Variants in COPB2 observed in about 807,000 individuals in gnomAD.
COPB2 encodes coat protein complex I subunit beta 2, also known as coatomer subunit beta'.
Under a neutral mutation model 120.8 loss-of-function variants are expected in COPB2, and 16 were observed. The observed-to-expected ratio is 0.13, with a 90% CI of 0.09 to 0.20. COPB2 has a LOEUF of 0.20. COPB2 is among the 10% of genes least tolerant of loss of function. The pLI is 1.00. For missense variants in COPB2, 794 were observed against 1,076.5 expected, an observed-to-expected ratio of 0.74 and a Z score of 3.67; for synonymous variants, 332 against 366.3, an observed-to-expected ratio of 0.91 and a Z score of 1.07.
chr3:139,385,135 T>G (rs531895917), intron 1 of COPB2: 1 of 152,732 alleles, frequency 6.5e-6, no homozygotes, highest in South Asian at 2.1e-4. Context: ...CTTCCCGGGT[T>G]CAAGCGATTC....
chr3:139,359,894 TA>T (rs1941378112), intron 17 of COPB2, among the ~76,000 whole-genome samples: 3 of 152,146 alleles, frequency 2.0e-5, no homozygotes, highest in Non-Finnish European at 2.9e-5. Flanking sequence ...GTATACTATG[TA>T]TTACCTTACA....
intron 12 of COPB2, 55 bp downstream of exon 12, chr3:139,369,206 C>G: frequency 7.0e-7 from 1 of 1,438,716 alleles, no homozygotes; most frequent in South Asian, 1.2e-5. Context: ...CTTAGGGACC[C>G]AGAACTCATC....
At chr3:139,381,831 G>A (rs1432054995) in intron 2 of COPB2, 1 of 151,758 alleles carries the variant, frequency 6.6e-6, no homozygotes, top group Non-Finnish European at 1.5e-5. Flanking sequence ...AATAATCAGA[G>A]AGAGAGGACA....
At chr3:139,383,524 A>G (rs1941852945) in intron 1 of COPB2, 89 bp from the exon 2 acceptor site, 3 of 1,185,478 alleles carry the variant, frequency 2.5e-6, no homozygotes, top group Middle Eastern at 2.1e-4. Flanking sequence ...ATAGGCCTAC[A>G]AAACAATTCA....
At chr3:139,381,055 T>C (rs958850098) in intron 2 of COPB2, 5 of 152,246 alleles carry the variant, frequency 3.3e-5, no homozygotes, top group African/African-American at 9.6e-5. Context: ...TAATGACTAA[T>C]ACTTATATGG....
chr3:139,376,744 A>AT (rs1941718833), intron 5 of COPB2, among the ~76,000 whole-genome samples: 1 of 152,158 alleles, frequency 6.6e-6, no homozygotes, highest in African/African-American at 2.4e-5. Flanking sequence ...ATTTTAATTA[A>AT]TTAATTAATT....
In COPB2 at chr3:139,359,294, G is replaced by A; in HGVS notation, c.2279C>T (p.Thr760Ile). 6.2e-7 allele frequency: 1 copy of A among 1,614,168 alleles called. No individual in the cohort carries two copies. Among genetic ancestry groups the A allele is most frequent in the Non-Finnish European group, 8.5e-7 (1 of 1,180,022 alleles). ...CCTTGAAACCTGACTGGGTAAGTAA[G>A]TTCGGGCCAAGAAGGCAGCTTCTGG... The part of the protein sequence containing the change: ...RLPEAAFLAR[T>I]YLPSQVSRVV... The change falls in exon 18 of 22, where the codon ACT (threonine) becomes ATT (isoleucine). Residue 760 changes from threonine (T) to isoleucine (I), a missense_variant. Physicochemically the swap from Thr to Ile is moderately conservative, Grantham distance 89. Transcript: ENST00000333188.
rs1473853488 is a variant in COPB2 at position 139,373,276 on chromosome 3, G to A, written c.1031C>T (p.Ala344Val). 1 of 1,613,978 alleles carries A rather than the reference G, an allele frequency of 6.2e-7. No individual in the cohort carries two copies. Among genetic ancestry groups the A allele is most frequent in the African/African-American group, 1.3e-5 (1 of 74,892 alleles). ...TTCACAACTGCCCATATCCTTTACT[G>A]CCAGTGGCAATCTTTCACCATCTTT... Reference protein sequence around the residue: ...EIKDGERLPLAVKDMGSCEIY... With the variant: ...EIKDGERLPLVVKDMGSCEIY... Residue 344 changes from alanine (A) to valine (V), a missense_variant, in exon 9 of 22, where the codon GCA (alanine) becomes GTA (valine). Ala to Val is a moderately conservative substitution (Grantham distance 64). This residue lies in a region of COPB2 where 610 missense variants were observed against 866.7 expected (regional missense o/e 0.70). Coordinates refer to ENST00000333188, the MANE Select transcript of COPB2 (RefSeq NM_004766.3).
At chr3:139,380,865 A>G (rs1941797943) in intron 2 of COPB2, 1 of 152,246 alleles carries the variant, frequency 6.6e-6, no homozygotes, top group Non-Finnish European at 1.5e-5. Flanking sequence ...AAAAATCCAC[A>G]AAAGCTCATG....
intron 17 of COPB2, 79 bp downstream of exon 17, chr3:139,361,002 T>C (rs1260560643): frequency 2.9e-5 from 44 of 1,493,562 alleles, no homozygotes; most frequent in Non-Finnish European, 4.0e-5. Flanking sequence ...ATCAGTTCTC[T>C]CCAGGGTTCA....
intron 13 of COPB2, 43 bp downstream of exon 13, chr3:139,368,102 T>A: frequency 6.3e-7 from 1 of 1,587,936 alleles, no homozygotes. Context: ...TATAAATCAT[T>A]TAAAAACAAA....
chr3:139,380,400 T>A (rs562620896), intron 2 of COPB2: 1 of 152,162 alleles, frequency 6.6e-6, no homozygotes, highest in Non-Finnish European at 1.5e-5. Flanking sequence ...CATACAAATG[T>A]TATTATTTCT....
At chr3:139,388,612 G>T in intron 1 of COPB2, among the ~76,000 whole-genome samples, 1 of 149,110 alleles carries the variant, frequency 6.7e-6, no homozygotes. Flanking sequence ...GTTTGATTCT[G>T]TGCTTCATAA....
At chr3:139,358,018 G>A (rs1260119796) in intron 21 of COPB2, 60 bp from the exon 22 acceptor site, 18 of 1,101,442 alleles carry the variant, frequency 1.6e-5, no homozygotes, top group African/African-American at 3.1e-5. Flanking sequence ...AAAGTTATCC[G>A]TGGGTTCATG....
intron 9 of COPB2, among the ~76,000 whole-genome samples, chr3:139,372,761 G>GA (rs1020706168): frequency 6.6e-6 from 1 of 152,108 alleles, no homozygotes; most frequent in Non-Finnish European, 1.5e-5. Context: ...CTGACAGTTC[G>GA]AATTACAAAT....
chr3:139,360,250 GT>G, intron 17 of COPB2, among the ~76,000 whole-genome samples: 2 of 151,838 alleles, frequency 1.3e-5, no homozygotes, highest in Non-Finnish European at 2.9e-5. Context: ...CGGGCTGGGC[GT>G]GGTGGCTCAC....
At chr3:139,361,059 A>C (rs757951607) in intron 17 of COPB2, 22 bp downstream of exon 17, 2 of 1,610,786 alleles carry the variant, frequency 1.2e-6, no homozygotes, top group Admixed American at 3.3e-5. Flanking sequence ...AGAATTAATT[A>C]ATCTTTTAAA....
intron 15 of COPB2, among the ~76,000 whole-genome samples, chr3:139,363,167 G>A (rs1941454912): frequency 6.6e-6 from 1 of 152,198 alleles, no homozygotes; most frequent in Non-Finnish European, 1.5e-5. Flanking sequence ...AAGACAGGAA[G>A]TCTAAAATTT....
At chr3:139,370,345 G>A (rs1419407427) in intron 10 of COPB2, among the ~76,000 whole-genome samples, 1 of 152,162 alleles carries the variant, frequency 6.6e-6, no homozygotes, top group Non-Finnish European at 1.5e-5. Flanking sequence ...GATGATTCAC[G>A]TCCCAGGTAG....
Sources: gnomAD v4.1 joint callset for allele counts (sites outside exome capture counted in the v4.1 genomes callset) on GRCh38, gnomAD v4.1.1 for gene constraint, gnomAD v4.1.1 regional missense constraint, MANE v1.5 for transcripts, NCBI Gene and HGNC (gene_info 2026-07-23, HGNC 2026-07-21) for gene names.